RAD51B: variants seen among roughly 807,000 people sequenced by gnomAD.
The protein encoded by RAD51B is DNA repair protein RAD51 homolog 2.
RAD51B carries 38 observed loss-of-function variants against 42.2 expected under a neutral mutation model. That is an observed-to-expected ratio of 0.90 (90% CI 0.70 to 1.18). The LOEUF (loss-of-function observed/expected upper bound fraction) is 1.18. RAD51B is among the 50% of genes most tolerant of loss of function. The pLI is 0.00. For missense variants in RAD51B, 373 were observed against 400.7 expected (o/e 0.93, Z 0.59); for synonymous variants, 154 against 145.2 (o/e 1.06, Z -0.43).
chr14:68,270,208 AT>A (rs2081078236), intron 7 of RAD51B, among the ~76,000 whole-genome samples: 3 of 152,192 alleles, frequency 2.0e-5, no homozygotes, highest in Admixed American at 1.3e-4. Flanking sequence ...CCTGTAGAAT[AT>A]ATGTTGCTAT....
At chr14:68,607,142 C>A (rs543295585) in intron 10 of RAD51B, among the ~76,000 whole-genome samples, 1 of 152,284 alleles carries the variant, frequency 6.6e-6, no homozygotes, top group East Asian at 1.9e-4. Context: ...TGCGGGCGGG[C>A]CACTGAGGGA....
downstream of RAD51B, chr14:68,596,031 GATT>G (rs1890984179): frequency 9.6e-7 from 1 of 1,036,956 alleles, no homozygotes; most frequent in Non-Finnish European, 1.2e-6. Context: ...AAGAAAAAAA[GATT>G]ATCTGAGAGA....
intron 7 of RAD51B, among the ~76,000 whole-genome samples, chr14:67,893,507 C>CAA (rs1380063620): frequency 2.4e-4 from 18 of 75,386 alleles, no homozygotes; most frequent in African/African-American, 7.4e-4. Flanking sequence ...CACACACACA[C>CAA]ACAAAAAAAA....
intron 8 of RAD51B, among the ~76,000 whole-genome samples, chr14:68,356,648 G>A (rs1390642496): frequency 6.6e-6 from 1 of 152,080 alleles, no homozygotes. Flanking sequence ...TGTTCAGGGG[G>A]TGGTTGCTGA....
intron 7 of RAD51B, among the ~76,000 whole-genome samples, chr14:67,890,901 T>G (rs987459159): frequency 2.6e-5 from 4 of 152,172 alleles, no homozygotes; most frequent in Non-Finnish European, 4.4e-5. Flanking sequence ...GTATGCCATC[T>G]TAGTTGTATT....
intron 10 of RAD51B, among the ~76,000 whole-genome samples, chr14:68,503,950 T>A (rs892981712): frequency 2.0e-5 from 3 of 152,180 alleles, no homozygotes; most frequent in African/African-American, 7.2e-5. Flanking sequence ...GGAATCATTT[T>A]AAAAACAGAG....
At chr14:68,379,113 G>C in intron 8 of RAD51B, among the ~76,000 whole-genome samples, 1 of 152,128 alleles carries the variant, frequency 6.6e-6, no homozygotes, top group East Asian at 1.9e-4. Flanking sequence ...AGGATAAACT[G>C]ATATTGCCAG....
intron 4 of RAD51B, among the ~76,000 whole-genome samples, chr14:67,860,113 C>T (rs1322021100): frequency 6.6e-6 from 1 of 152,172 alleles, no homozygotes; most frequent in Non-Finnish European, 1.5e-5. Flanking sequence ...TGAGTCACCG[C>T]ACCCGGCCTT....
At chr14:68,055,052 T>G (rs531368631) in intron 7 of RAD51B, among the ~76,000 whole-genome samples, 4 of 152,320 alleles carry the variant, frequency 2.6e-5, no homozygotes, top group African/African-American at 9.6e-5. Context: ...AAAAACAGTT[T>G]GTGTTTTTCC....
chr14:68,009,512 G>A (rs780980503), intron 7 of RAD51B, among the ~76,000 whole-genome samples: 19 of 151,786 alleles, frequency 1.3e-4, no homozygotes, highest in Non-Finnish European at 2.4e-4. Flanking sequence ...TAAAATCCTG[G>A]AATACATGTA....
At chr14:68,309,733 T>A (rs17105381) in intron 8 of RAD51B, among the ~76,000 whole-genome samples, 15,173 of 152,226 alleles carry the variant, frequency 0.1, 880 homozygotes, top group African/African-American at 0.15. Flanking sequence ...TGCAGTGTTG[T>A]TTGCTGTAAA....
chr14:68,100,678 A>C (rs139935163), intron 7 of RAD51B, among the ~76,000 whole-genome samples: 223 of 152,312 alleles, frequency 1.5e-3, no homozygotes, highest in African/African-American at 5.1e-3. Flanking sequence ...CTTACCTCAA[A>C]GGGGCTATGA....
chr14:68,201,851 T>C (rs542197268), intron 7 of RAD51B, among the ~76,000 whole-genome samples: 1 of 152,306 alleles, frequency 6.6e-6, no homozygotes, highest in East Asian at 1.9e-4. Context: ...TTAAGATATG[T>C]TGCCTGCTTC....
intron 11 of RAD51B, among the ~76,000 whole-genome samples, chr14:68,676,213 T>C (rs1161212269): frequency 2.0e-5 from 3 of 152,216 alleles, no homozygotes; most frequent in Admixed American, 2.0e-4. Flanking sequence ...AGTGCAACTA[T>C]GATCCCACTT....
chr14:68,031,105 G>A (rs541443863), intron 7 of RAD51B, among the ~76,000 whole-genome samples: 2 of 152,330 alleles, frequency 1.3e-5, no homozygotes, highest in South Asian at 4.1e-4. Context: ...CTGAGACTGG[G>A]CAGTTTACAA....
At chr14:68,467,055 C>A (rs182224681) in intron 9 of RAD51B, among the ~76,000 whole-genome samples, 4 of 152,170 alleles carry the variant, frequency 2.6e-5, no homozygotes, top group Non-Finnish European at 5.9e-5. Flanking sequence ...ATTACCTACA[C>A]GGTTCAGTGT....
intron 10 of RAD51B, among the ~76,000 whole-genome samples, chr14:68,629,121 C>T (rs942286916): frequency 6.6e-6 from 1 of 152,126 alleles, no homozygotes; most frequent in Non-Finnish European, 1.5e-5. Flanking sequence ...TTAGCAGTGG[C>T]CCCCAGGGGA....
chr14:68,380,957 C>G (rs1375468664), intron 8 of RAD51B, among the ~76,000 whole-genome samples: 2 of 152,180 alleles, frequency 1.3e-5, no homozygotes, highest in African/African-American at 4.8e-5. Context: ...AGGGTGAGCA[C>G]AGTTTAATTG....
intron 7 of RAD51B, among the ~76,000 whole-genome samples, chr14:68,172,098 T>C (rs1860838875): frequency 2.6e-5 from 4 of 152,242 alleles, no homozygotes; most frequent in Non-Finnish European, 5.9e-5. Flanking sequence ...TATCCACCAG[T>C]CAATTTTAAT....
Sources: gnomAD v4.1 joint callset for allele counts (sites outside exome capture counted in the v4.1 genomes callset) on GRCh38, gnomAD v4.1.1 for gene constraint, MANE v1.5 for transcripts, NCBI Gene and HGNC (gene_info 2026-07-23, HGNC 2026-07-21) for gene names.